ZC2HC1B: variants seen among roughly 807,000 people sequenced by gnomAD.
The protein encoded by ZC2HC1B is zinc finger C2HC domain-containing protein 1B.
Under a neutral mutation model 31.0 loss-of-function variants are expected in ZC2HC1B, and 36 were observed. The observed-to-expected ratio is 1.16, with a 90% CI of 0.89 to 1.54. The LOEUF is 1.54. Among genes scored for constraint, ZC2HC1B ranks in the 40% most tolerant of loss-of-function variants. The pLI is 0.00. For missense variants in ZC2HC1B, 260 were observed against 268.6 expected (o/e 0.97, Z 0.22); for synonymous variants, 73 against 88.0 (o/e 0.83, Z 0.95).
At chr6:143,891,328 T>C (rs1777600750) in intron 4 of ZC2HC1B, among the ~76,000 whole-genome samples, 1 of 152,138 alleles carries the variant, frequency 6.6e-6, no homozygotes, top group Non-Finnish European at 1.5e-5. Flanking sequence ...TGTGTTATGA[T>C]GTCAATTCTA....
At position 143,868,904 on chromosome 6, in the gene ZC2HC1B, ATG is replaced by A. The variant is rs1388995760; in HGVS notation, c.28+4338_28+4339del. ...CATGATGAAGGAAAAAGTAAATAAA[ATG>A]AAGATATCTTCTTAGTACACGTGTG... On this transcript the variant is annotated intron_variant, in intron 1 of 7. Coordinates refer to ENST00000237275, the MANE Select transcript of ZC2HC1B (RefSeq NM_001013623.3). The surrounding 1 kb of genome is among the most constrained non-coding windows in gnomAD (Gnocchi z 4.2). Among the ~76,000 whole-genome samples the A allele has an allele frequency of 2.6e-5, 4 of 152,256 alleles. No homozygotes were observed. Among genetic ancestry groups the A allele is most frequent in the Non-Finnish European group, 4.4e-5 (3 of 68,042 alleles).
intron 1 of ZC2HC1B, among the ~76,000 whole-genome samples, chr6:143,877,322 G>T (rs1452218276): frequency 9.2e-5 from 2 of 21,688 alleles, no homozygotes; most frequent in African/African-American, 1.7e-4. Flanking sequence ...TGCTCTTTTT[G>T]CCCAGCCTGG....
In ZC2HC1B at chr6:143,917,857, G is replaced by A. The variant is rs73000545; in HGVS notation, c.598+14705G>A. 0.068 allele frequency among the ~76,000 whole-genome samples: 10,316 copies of A among 152,200 alleles called. 374 individuals are homozygous for A. The highest frequency in any genetic ancestry group is 0.11 in the Middle Eastern group (31 of 294). ...TCTTAAATTATGTATAAAACAAAAC[G>A]TGGAGTTACAAACCAGTTACAGTAC... On this transcript the variant is annotated intron_variant, in intron 6 of 7. Coordinates refer to ENST00000237275, the MANE Select transcript of ZC2HC1B (RefSeq NM_001013623.3). This position sits in a 1 kb window ranked among gnomAD's most constrained non-coding sequence, Gnocchi z 4.1.
chr6:143,930,381 CTTTTTTTTTT>C (rs34308015), intron 6 of ZC2HC1B, among the ~76,000 whole-genome samples: 1 of 111,784 alleles, frequency 8.9e-6, no homozygotes, highest in African/African-American at 3.6e-5. Context: ...TTGAGAGTTT[CTTTTTTTTTT>C]TTTTTTTTTT....
At chr6:143,898,087 G>C (rs1777689766) in intron 4 of ZC2HC1B, among the ~76,000 whole-genome samples, 1 of 152,202 alleles carries the variant, frequency 6.6e-6, no homozygotes, top group South Asian at 2.1e-4. Context: ...CTTTAGTTGA[G>C]CCCTGCATGT....
At position 143,884,940 on chromosome 6, in the gene ZC2HC1B, T is replaced by C. The variant is rs1777512850; in HGVS notation, c.90+575T>C. On this transcript the variant is annotated intron_variant, in intron 2 of 7. Transcript: ENST00000237275. This position sits in a 1 kb window ranked among gnomAD's most constrained non-coding sequence, Gnocchi z 5.1. ...AGCTAACGGCATGTCAAGTCCCCGA[T>C]TGATGGCTATAAAGTTGAATAAAAG... Among the ~76,000 whole-genome samples, 1 of 152,198 alleles carries C rather than the reference T, an allele frequency of 6.6e-6. No individual in the cohort carries two copies.
intron 1 of ZC2HC1B, among the ~76,000 whole-genome samples, chr6:143,882,482 A>G (rs531076986): frequency 6.6e-6 from 1 of 151,196 alleles, no homozygotes; most frequent in South Asian, 2.1e-4. Flanking sequence ...TAGATGTGAC[A>G]AGAAATCATT....
At chr6:143,920,922 A>G (rs1197879307) in intron 6 of ZC2HC1B, among the ~76,000 whole-genome samples, 1 of 151,988 alleles carries the variant, frequency 6.6e-6, no homozygotes, top group African/African-American at 2.4e-5. Flanking sequence ...AAAAAAAAAA[A>G]AAGGTTGACA....
chr6:143,893,241 A>G (rs1268800491), intron 4 of ZC2HC1B, among the ~76,000 whole-genome samples: 1 of 152,206 alleles, frequency 6.6e-6, no homozygotes, highest in Non-Finnish European at 1.5e-5. Context: ...ATTAAAAACC[A>G]TAATGAGATA....
intron 6 of ZC2HC1B, among the ~76,000 whole-genome samples, chr6:143,920,935 A>C (rs1272650581): frequency 6.6e-6 from 1 of 151,100 alleles, no homozygotes; most frequent in East Asian, 1.9e-4. Context: ...GGTTGACACT[A>C]GTTTCCATAA....
chr6:143,937,773 C>A (rs2128498372), intron 7 of ZC2HC1B, 40 bp downstream of exon 7: 1 of 1,449,660 alleles, frequency 6.9e-7, no homozygotes, highest in South Asian at 1.3e-5. Flanking sequence ...CTGTTGCTGA[C>A]CAGTTAATGA....
intron 4 of ZC2HC1B, among the ~76,000 whole-genome samples, chr6:143,889,682 T>C (rs1275452691): frequency 6.6e-6 from 1 of 152,102 alleles, no homozygotes; most frequent in South Asian, 2.1e-4. Context: ...CTGACAAAAC[T>C]GGAAGGAGAA....
rs1777820356 is a variant in ZC2HC1B, at chr6:143,908,276, T to C, written c.598+5124T>C. ...CTATTTGGGCTCTGTTTTGATTTCATATGAATTTTAAAATAGTTTTTTCTA... is the reference window on the plus strand; with the variant it reads ...CTATTTGGGCTCTGTTTTGATTTCACATGAATTTTAAAATAGTTTTTTCTA... On this transcript the variant is annotated intron_variant, in intron 6 of 7. Transcript: ENST00000237275. The surrounding 1 kb of genome is among the most constrained non-coding windows in gnomAD (Gnocchi z 4.4). Among the ~76,000 whole-genome samples the C allele has an allele frequency of 7.9e-6, 1 of 126,786 alleles. No individual in the cohort carries two copies. The highest frequency in any genetic ancestry group is 1.7e-5 in the Non-Finnish European group (1 of 60,512). 83.2% of individuals were successfully genotyped at this position (126,786 alleles called of 152,430 possible).
intron 5 of ZC2HC1B, among the ~76,000 whole-genome samples, chr6:143,900,512 A>AATTG (rs556753644): frequency 1.1e-3 from 171 of 152,142 alleles, no homozygotes; most frequent in South Asian, 0.011. Flanking sequence ...AGAAAAGAGG[A>AATTG]ATTGATTGAA....
chr6:143,872,533 A>AT lies in ZC2HC1B; in HGVS notation c.28+7972dup, dbSNP rs1318336563. The stretch of plus-strand genomic sequence containing the variant: ...GGATCCAAATATTCCCACTATATTT[A>AT]TTTTTTATTTTTTAAATTTATGTAT... On this transcript the variant is annotated intron_variant, in intron 1 of 7. Coordinates refer to ENST00000237275, the MANE Select transcript of ZC2HC1B (RefSeq NM_001013623.3). This position sits in a 1 kb window ranked among gnomAD's most constrained non-coding sequence, Gnocchi z 5.5. Among the ~76,000 whole-genome samples the AT allele has an allele frequency of 2.0e-5, 3 of 152,178 alleles. No homozygotes were observed. The highest frequency in any genetic ancestry group is 4.1e-4 in the South Asian group (2 of 4,826).
At chr6:143,926,431 CTGT>C (rs77790703) in intron 6 of ZC2HC1B, among the ~76,000 whole-genome samples, 16,499 of 151,894 alleles carry the variant, frequency 0.11, 1,431 homozygotes, top group East Asian at 0.46. Flanking sequence ...TCCAAAGTTC[CTGT>C]TGTTATTGAT....
In ZC2HC1B at chr6:143,918,985, C is replaced by T. The variant is rs1426126032; in HGVS notation, c.598+15833C>T. On this transcript the variant is annotated intron_variant, in intron 6 of 7. Coordinates refer to ENST00000237275, the MANE Select transcript of ZC2HC1B (RefSeq NM_001013623.3). The surrounding 1 kb of genome is among the most constrained non-coding windows in gnomAD (Gnocchi z 4.1). ...GTCTCTTCACATCTTTTTTTAGTTCCCTGAGCATCTTCAGTTGTTTAAAAG... is the reference window on the plus strand; with the variant it reads ...GTCTCTTCACATCTTTTTTTAGTTCTCTGAGCATCTTCAGTTGTTTAAAAG... Among the ~76,000 whole-genome samples the T allele has an allele frequency of 1.3e-5, 2 of 151,492 alleles. No individual in the cohort carries two copies. The highest frequency in any genetic ancestry group is 4.9e-5 in the African/African-American group (2 of 41,192).
rs544616055 is a variant in ZC2HC1B at position 143,934,752 on chromosome 6, A to G, written c.599-2897A>G. ...TGAATTCCTTAGTGACTTAAACTGC[A>G]GTTGTTATTGGAAGCTGTGGTGAGG... On this transcript the variant is annotated intron_variant, in intron 6 of 7. Coordinates refer to ENST00000237275, the MANE Select transcript of ZC2HC1B (RefSeq NM_001013623.3). This position sits in a 1 kb window ranked among gnomAD's most constrained non-coding sequence, Gnocchi z 4.6. Among the ~76,000 whole-genome samples, 1 of 152,280 alleles carries G rather than the reference A, an allele frequency of 6.6e-6. No homozygotes were observed. The highest frequency in any genetic ancestry group is 2.4e-5 in the African/African-American group (1 of 41,550).
intron 6 of ZC2HC1B, among the ~76,000 whole-genome samples, chr6:143,912,702 G>C (rs1243580400): frequency 2.0e-5 from 3 of 152,198 alleles, no homozygotes; most frequent in Non-Finnish European, 4.4e-5. Flanking sequence ...ACTCCTGTTG[G>C]GGGGTCTTAC....
Sources: allele counts gnomAD v4.1 joint callset (sites outside exome capture counted in the v4.1 genomes callset), GRCh38; gene constraint gnomAD v4.1.1; non-coding constraint Gnocchi (gnomAD v3.1); transcripts MANE v1.5; gene names NCBI Gene and HGNC (gene_info 2026-07-23, HGNC 2026-07-21).